Variants in DIP2A observed in about 807,000 individuals in gnomAD.
DIP2A encodes the protein DIP2 acetate--CoA ligase A.
DIP2A carries 85 observed loss-of-function variants against 177.4 expected under a neutral mutation model. The observed-to-expected ratio is 0.48, with a 90% confidence interval of 0.40 to 0.57. The LOEUF (loss-of-function observed/expected upper bound fraction) is 0.57. Among genes scored for constraint, DIP2A ranks in the 20% least tolerant of loss-of-function variants. DIP2A has a pLI of 0.00. For missense variants in DIP2A, 1,791 were observed against 2,100.2 expected (o/e 0.85, Z 2.88); for synonymous variants, 886 against 881.8 (o/e 1.00, Z -0.08).
rs550853744 is a variant in DIP2A, at chr21:46,528,507, A to C, written c.1103-585A>C. ...ATGTACATATACATATGTATACCAA[A>C]TACTGACTTTTTCTGCTTGCTTTTT... On this transcript the variant is annotated intron_variant, in intron 8 of 37. Transcript: ENST00000417564. Among the ~76,000 whole-genome samples, 3 of 129,214 alleles carry C rather than the reference A, an allele frequency of 2.3e-5. No homozygotes were observed. In the South Asian group the frequency reaches 7.6e-4, roughly 33 times the overall value. The allele number at this position is 129,214 out of a possible 152,430, so 84.8% of individuals were successfully genotyped here. A position where few individuals can be genotyped will look rare whatever the true frequency, so the allele number is the denominator to read the frequency against.
chr21:46,519,826 G>A (rs560999935), intron 8 of DIP2A, among the ~76,000 whole-genome samples: 3 of 141,318 alleles, frequency 2.1e-5, no homozygotes, highest in Admixed American at 1.4e-4. Flanking sequence ...GCTGATTCCA[G>A]TGTGCCCAGA....
chr21:46,514,261 C>T (rs958804062), intron 8 of DIP2A, among the ~76,000 whole-genome samples: 7 of 151,902 alleles, frequency 4.6e-5, no homozygotes, highest in African/African-American at 1.5e-4. Context: ...GGTGAAACCC[C>T]GTCTCTACTA....
chr21:46,546,474 A>G (rs191810010), intron 20 of DIP2A, among the ~76,000 whole-genome samples: 13 of 152,230 alleles, frequency 8.5e-5, no homozygotes, highest in Admixed American at 5.9e-4. Flanking sequence ...TGTCCAACCT[A>G]AGCACAGGAC....
the DIP2A span, among the ~76,000 whole-genome samples, chr21:46,578,145 C>G: frequency 1.3e-5 from 2 of 152,142 alleles, no homozygotes; most frequent in Non-Finnish European, 2.9e-5. Context: ...AATCCTGTCT[C>G]TAGTAAAAAT....
At chr21:46,520,023 C>T (rs991019322) in intron 8 of DIP2A, among the ~76,000 whole-genome samples, 33 of 151,470 alleles carry the variant, frequency 2.2e-4, no homozygotes, top group African/African-American at 7.3e-4. Context: ...TACAGGCACC[C>T]GCCACCACGC....
At chr21:46,497,224 G>C (rs74432771) in intron 4 of DIP2A, 117 bp downstream of exon 4, 1 of 1,246,422 alleles carries the variant, frequency 8.0e-7, no homozygotes, top group Non-Finnish European at 1.1e-6. Flanking sequence ...TAGATTGGAC[G>C]CATTTGGAGA....
chr21:46,566,355 T>C (rs752903743), intron 36 of DIP2A, among the ~76,000 whole-genome samples: 75 of 152,158 alleles, frequency 4.9e-4, no homozygotes, highest in Non-Finnish European at 8.8e-4. Flanking sequence ...GCTGTAACTT[T>C]CCTGAGGTGG....
downstream of DIP2A, among the ~76,000 whole-genome samples, chr21:46,573,625 C>G (rs570534851): frequency 1.3e-4 from 12 of 95,878 alleles, no homozygotes; most frequent in African/African-American, 4.6e-4. Flanking sequence ...GCCTGGGAGA[C>G]AGAGTAAGAC....
At position 46,556,960 on chromosome 21, in the gene DIP2A, G is replaced by A. The variant is rs201512415; in HGVS notation, c.3520G>A (p.Ala1174Thr). ...GVKMSHAATS[A>T]LCRSIKLQCE... is the part of the protein sequence containing the mutation. ...TAAGATGTCGCACGCGGCCACAAGC[G>A]CCTTATGCCGCTCCATAAAGCTGCA... Residue 1174 changes from alanine to threonine, a missense_variant, in exon 30 of 38, where the codon GCC becomes ACC. Coordinates refer to ENST00000417564, the MANE Select transcript of DIP2A (RefSeq NM_015151.4). This position sits in a 1 kb window ranked among gnomAD's most constrained non-coding sequence, Gnocchi z 4.5. 1.6e-5 allele frequency: 25 copies of A among 1,586,384 alleles called. No homozygotes were observed. The highest frequency in any genetic ancestry group is 1.9e-5 in the Non-Finnish European group (22 of 1,165,178).
chr21:46,548,491 C>T (rs557876673), intron 21 of DIP2A, among the ~76,000 whole-genome samples: 22 of 152,190 alleles, frequency 1.4e-4, no homozygotes, highest in African/African-American at 5.3e-4. Flanking sequence ...GTATATGTGC[C>T]ATTGGAAGAA....
Position 46,497,092 on chromosome 21 carries a change from A to G in DIP2A, c.388A>G (p.Thr130Ala). 1 of 1,613,064 alleles carries G rather than the reference A, an allele frequency of 6.2e-7. No homozygotes were observed. Among genetic ancestry groups the G allele is most frequent in the South Asian group, 1.1e-5 (1 of 90,956 alleles). ...TGTCCTTGTGCATTCGTCTGTGGAAACCTACACCCCTCCAGGTATTGATAA... is the reference window on the plus strand; with the variant it reads ...TGTCCTTGTGCATTCGTCTGTGGAAGCCTACACCCCTCCAGGTATTGATAA... ...RSVLVHSSVE[T>A]YTPPDTSSAS... Residue 130 changes from threonine to alanine, a missense_variant, in exon 4 of 38, where the codon ACC becomes GCC. Physicochemically the swap from Thr to Ala is moderately conservative, Grantham distance 58. Transcript: ENST00000417564.
chr21:46,462,121 C>T (rs2054373123), intron 1 of DIP2A, among the ~76,000 whole-genome samples: 1 of 152,170 alleles, frequency 6.6e-6, no homozygotes, highest in Non-Finnish European at 1.5e-5. Context: ...GAAGCTCTGG[C>T]TTCTTGGCTT....
At chr21:46,525,429 C>G (rs1355314085) in intron 8 of DIP2A, among the ~76,000 whole-genome samples, 2 of 152,296 alleles carry the variant, frequency 1.3e-5, no homozygotes, top group Non-Finnish European at 2.9e-5. Flanking sequence ...TCTGTGGTGG[C>G]ACGTGGGTCA....
intron 6 of DIP2A, among the ~76,000 whole-genome samples, chr21:46,507,772 C>T (rs1427980428): frequency 1.5e-5 from 2 of 137,544 alleles, no homozygotes; most frequent in African/African-American, 2.7e-5. Flanking sequence ...TTGATTTTGG[C>T]TCACCGCAGC....
chr21:46,562,489 G>A (rs1325004131), intron 34 of DIP2A, among the ~76,000 whole-genome samples: 2 of 152,336 alleles, frequency 1.3e-5, no homozygotes. Context: ...CACTGCCATG[G>A]CCACAGCCAC....
chr21:46,481,652 T>G (rs1400457138), intron 1 of DIP2A, among the ~76,000 whole-genome samples: 1 of 152,260 alleles, frequency 6.6e-6, no homozygotes, highest in Non-Finnish European at 1.5e-5. Flanking sequence ...TTTAGCTGTT[T>G]GAATAGGCAT....
intron 33 of DIP2A, 76 bp from the exon 34 acceptor site, chr21:46,561,669 CCAA>C (rs761118370): frequency 6.4e-7 from 1 of 1,552,026 alleles, no homozygotes; most frequent in African/African-American, 1.4e-5. Flanking sequence ...GTGATCATTT[CCAA>C]CGTCATGATC....
intron 4 of DIP2A, among the ~76,000 whole-genome samples, chr21:46,497,529 T>G (rs74707148): frequency 0.047 from 7,230 of 152,306 alleles, 225 homozygotes; most frequent in Non-Finnish European, 0.064. Context: ...ATAAGACTAT[T>G]TGGAAAGTTT....
chr21:46,578,348 AC>A, the DIP2A span, among the ~76,000 whole-genome samples: 1 of 152,036 alleles, frequency 6.6e-6, no homozygotes, highest in Non-Finnish European at 1.5e-5. Context: ...AACAAAAAAA[AC>A]CTTTTGGGCT....
Sources: allele counts gnomAD v4.1 joint callset (sites outside exome capture counted in the v4.1 genomes callset), GRCh38; gene constraint gnomAD v4.1.1; non-coding constraint Gnocchi (gnomAD v3.1); transcripts MANE v1.5; gene names NCBI Gene and HGNC (gene_info 2026-07-23, HGNC 2026-07-21).